KIAA1328: variants seen among roughly 807,000 people sequenced by gnomAD.
The protein encoded by KIAA1328 is KIAA1328, also known as protein hinderin.
A neutral mutation model predicts 68.1 loss-of-function variants in KIAA1328; 52 were observed. The observed-to-expected ratio is 0.76, with a 90% CI of 0.61 to 0.96. The LOEUF is 0.96. Ranked by LOEUF, KIAA1328 falls within the 40% of genes least tolerant of loss-of-function variation. The pLI is 0.00. For synonymous variants in KIAA1328, 232 were observed against 239.4 expected, an observed-to-expected ratio of 0.97 and a Z score of 0.28; for missense variants, 641 against 677.6, an observed-to-expected ratio of 0.95 and a Z score of 0.60.
chr18:36,829,310 T>G, intron 1 of KIAA1328, 114 bp downstream of exon 1: 8 of 1,404,222 alleles, frequency 5.7e-6, no homozygotes, highest in Non-Finnish European at 4.6e-6. Flanking sequence ...ACCCCGGGGA[T>G]GGGGACGTGC....
At position 37,101,751 on chromosome 18, in the gene KIAA1328, T is replaced by A. The variant is rs541242980; in HGVS notation, c.1232+34206T>A. 3.9e-5 allele frequency among the ~76,000 whole-genome samples: 6 copies of A among 152,226 alleles called. No individual in the cohort carries two copies. The East Asian group carries it at 1.2e-3, about 29-fold the overall frequency. On this transcript the variant is annotated intron_variant, in intron 7 of 9. Transcript: ENST00000280020. ...AAAGTTGAAATGAAGGAAAAAATGTTAAGGGCAGCCAGAGAGAAAGGTCGG... is the reference window on the plus strand; with the variant it reads ...AAAGTTGAAATGAAGGAAAAAATGTAAAGGGCAGCCAGAGAGAAAGGTCGG...
intron 7 of KIAA1328, among the ~76,000 whole-genome samples, chr18:37,101,179 T>C (rs1315996800): frequency 1.3e-5 from 2 of 152,046 alleles, no homozygotes; most frequent in East Asian, 1.9e-4. Flanking sequence ...ATGACTTTGA[T>C]GAGTTGAGAG....
chr18:37,017,832 TA>T (rs2054205595), intron 6 of KIAA1328, among the ~76,000 whole-genome samples: 1 of 152,196 alleles, frequency 6.6e-6, no homozygotes, highest in South Asian at 2.1e-4. Flanking sequence ...TCCAATCCTT[TA>T]CTTTGATCCT....
At chr18:36,945,397 C>G (rs1047533999) in intron 5 of KIAA1328, among the ~76,000 whole-genome samples, 2 of 152,196 alleles carry the variant, frequency 1.3e-5, no homozygotes, top group South Asian at 2.1e-4. Context: ...AACCGCCCCC[C>G]CCACGAAGTT....
At chr18:36,868,715 A>T (rs2047839174) in intron 4 of KIAA1328, among the ~76,000 whole-genome samples, 1 of 152,150 alleles carries the variant, frequency 6.6e-6, no homozygotes, top group African/African-American at 2.4e-5. Context: ...TCATGTCCTA[A>T]GCCCATACTG....
Position 36,885,559 on chromosome 18 carries a change from T to G in KIAA1328, c.335T>G (p.Val112Gly). The G allele has an allele frequency of 6.6e-7, 1 of 1,508,376 alleles. No individual in the cohort carries two copies. The allele number at this position is 1,508,376 out of a possible 1,614,324, so 93.4% of individuals were successfully genotyped here. ...AGGTTTTTTTTTTTTTATTTCAGAGTAAGTGAGGAAAAGGAAGTGACAGAG... is the reference window on the plus strand; with the variant it reads ...AGGTTTTTTTTTTTTTATTTCAGAGGAAGTGAGGAAAAGGAAGTGACAGAG... The part of the protein sequence containing the change: ...IANLIKELAR[V>G]SEEKEVTEER... Residue 112 changes from valine (V) to glycine (G), a missense_variant and splice_region_variant, in exon 5 of 10, where the codon GTA becomes GGA. Transcript: ENST00000280020.
chr18:36,936,410 A>T (rs999035381), intron 5 of KIAA1328, among the ~76,000 whole-genome samples: 1 of 152,136 alleles, frequency 6.6e-6, no homozygotes, highest in Non-Finnish European at 1.5e-5. Flanking sequence ...TTTGCTGAGG[A>T]TGATGGCTTC....
intron 7 of KIAA1328, among the ~76,000 whole-genome samples, chr18:37,122,258 T>A (rs1418179877): frequency 6.6e-6 from 1 of 152,082 alleles, no homozygotes; most frequent in Non-Finnish European, 1.5e-5. Context: ...TAAAGGGTTA[T>A]GTGATAAGGA....
rs114267561 is a variant in KIAA1328, at chr18:37,041,759, C to A, written c.577-25131C>A. Among the ~76,000 whole-genome samples, 1,007 of 151,842 alleles carry A rather than the reference C, an allele frequency of 6.6e-3. 15 individuals carry two copies. The highest frequency in any genetic ancestry group is 0.023 in the African/African-American group (932 of 41,368). On this transcript the variant is annotated intron_variant, in intron 6 of 9. Coordinates refer to ENST00000280020, the MANE Select transcript of KIAA1328 (RefSeq NM_020776.3). ...TCATTGCTTTAGGGATTGCAATATG[C>A]TTCTTAACCTATTACAGTCTTCTTA...
intron 7 of KIAA1328, among the ~76,000 whole-genome samples, chr18:37,090,226 T>G (rs1312646933): frequency 1.3e-5 from 2 of 152,140 alleles, no homozygotes; most frequent in Non-Finnish European, 2.9e-5. Flanking sequence ...ATGCCTCACT[T>G]AAGTTTAATA....
At chr18:36,891,640 C>T (rs1052184923) in intron 5 of KIAA1328, among the ~76,000 whole-genome samples, 1 of 152,140 alleles carries the variant, frequency 6.6e-6, no homozygotes, top group Admixed American at 6.5e-5. Context: ...GGTCATTATT[C>T]CATTCTGTTT....
intron 6 of KIAA1328, among the ~76,000 whole-genome samples, chr18:37,019,499 A>C (rs1021034202): frequency 6.6e-6 from 1 of 152,250 alleles, no homozygotes; most frequent in African/African-American, 2.4e-5. Context: ...AGGTACACCT[A>C]CAGATCCCCT....
intron 7 of KIAA1328, among the ~76,000 whole-genome samples, chr18:37,127,696 C>T (rs2058426502): frequency 6.6e-6 from 1 of 152,136 alleles, no homozygotes; most frequent in Non-Finnish European, 1.5e-5. Context: ...CCAAATCAAA[C>T]TCCTGGCAAG....
In KIAA1328 at chr18:36,853,388, A is replaced by G. The variant is rs539073608; in HGVS notation, c.332+9086A>G. Among the ~76,000 whole-genome samples the G allele has an allele frequency of 2.6e-5, 4 of 152,248 alleles. No homozygotes were observed. In the East Asian group the frequency reaches 7.7e-4, roughly 29 times the overall value. On this transcript the variant is annotated intron_variant, in intron 4 of 9. Coordinates refer to ENST00000280020, the MANE Select transcript of KIAA1328 (RefSeq NM_020776.3). ...TCTTTATTTGTTCCTCAGTTACCCCAATAGTACTGTCATTTCTGTTTGATT... is the reference window on the plus strand; with the variant it reads ...TCTTTATTTGTTCCTCAGTTACCCCGATAGTACTGTCATTTCTGTTTGATT...
At chr18:37,027,014 C>T (rs1414650287) in intron 6 of KIAA1328, among the ~76,000 whole-genome samples, 1 of 152,212 alleles carries the variant, frequency 6.6e-6, no homozygotes, top group Non-Finnish European at 1.5e-5. Context: ...TGATAAGCAA[C>T]TTTAGCAAAG....
intron 7 of KIAA1328, among the ~76,000 whole-genome samples, chr18:37,104,805 A>G (rs1348495126): frequency 1.3e-5 from 2 of 152,240 alleles, no homozygotes; most frequent in African/African-American, 2.4e-5. Flanking sequence ...ACATTTCTCA[A>G]TAAATTGGCA....
intron 7 of KIAA1328, among the ~76,000 whole-genome samples, chr18:37,091,898 C>T (rs1215525673): frequency 1.3e-5 from 2 of 152,176 alleles, no homozygotes; most frequent in Non-Finnish European, 2.9e-5. Context: ...CTGAGAGCTG[C>T]CTATTGAGGG....
intron 7 of KIAA1328, among the ~76,000 whole-genome samples, chr18:37,113,339 G>T (rs961236174): frequency 1.3e-5 from 2 of 152,196 alleles, no homozygotes; most frequent in Non-Finnish European, 2.9e-5. Flanking sequence ...CCAGAAGAGA[G>T]TGGGGGCCAA....
At chr18:36,950,398 C>T (rs1049332057) in intron 5 of KIAA1328, among the ~76,000 whole-genome samples, 16 of 152,122 alleles carry the variant, frequency 1.1e-4, no homozygotes, top group African/African-American at 3.6e-4. Context: ...TATTTCTATA[C>T]TCATTCCTCT....
Sources: allele counts gnomAD v4.1 joint callset (sites outside exome capture counted in the v4.1 genomes callset), GRCh38; gene constraint gnomAD v4.1.1; transcripts MANE v1.5; gene names NCBI Gene and HGNC (gene_info 2026-07-23, HGNC 2026-07-21).